The following ACP6 variants were observed in gnomAD, a reference collection of about 807,000 sequenced individuals.
ACP6 encodes lysophosphatidic acid phosphatase type 6.
Under a neutral mutation model 48.1 loss-of-function variants are expected in ACP6, and 48 were observed. That is an observed-to-expected ratio of 1.00 (90% CI 0.79 to 1.27). ACP6 has a LOEUF of 1.27. ACP6 is among the 50% of genes most tolerant of loss of function. ACP6 has a pLI of 0.00. For synonymous variants in ACP6, 172 were observed against 204.2 expected (o/e 0.84, Z 1.34); for missense variants, 485 against 529.1 (o/e 0.92, Z 0.82).
intron 9 of ACP6, chr1:147,647,836 C>T (rs961814633): frequency 2.2e-5 from 12 of 539,546 alleles, no homozygotes; most frequent in Non-Finnish European, 3.6e-5. Flanking sequence ...ATCCCTGGGG[C>T]GTGCTCTGGC....
At chr1:147,650,859 G>A (rs1259733397) in intron 7 of ACP6, 1 of 152,186 alleles carries the variant, frequency 6.6e-6, no homozygotes, top group African/African-American at 2.4e-5. Flanking sequence ...ACTCACAGTA[G>A]TGAACAAAGT....
Position 147,669,850 on chromosome 1 carries a change from G to T in ACP6, c.199C>A (p.Pro67Thr), listed in dbSNP as rs781950198. The T allele has an allele frequency of 6.3e-7, 1 of 1,597,054 alleles. No homozygotes were observed. The highest frequency in any genetic ancestry group is 1.3e-5 in the African/African-American group (1 of 74,772). The change falls in exon 1 of 10, where the codon CCG (proline) becomes ACG (threonine). Residue 67 changes from proline (P) to threonine (T), a missense_variant. By Grantham distance (38) the Pro-to-Thr change is conservative. Transcript: ENST00000583509. Reference protein sequence around the residue: ...FRHGARSPLKPLPLEEQVEWN... With the variant: ...FRHGARSPLKTLPLEEQVEWN... ...CTCACCTGCTCCTCCAGCGGGAGCGGCTTGAGAGGACTCCGAGCCCCGTGT... is the reference window on the plus strand; with the variant it reads ...CTCACCTGCTCCTCCAGCGGGAGCGTCTTGAGAGGACTCCGAGCCCCGTGT...
intron 9 of ACP6, chr1:147,647,791 A>G: frequency 1.6e-6 from 1 of 628,180 alleles, no homozygotes; most frequent in Non-Finnish European, 2.7e-6. Context: ...GAAAGAGTCG[A>G]GTTACATCCC....
downstream of ACP6, among the ~76,000 whole-genome samples, chr1:147,639,842 G>T (rs1659402757): frequency 6.6e-6 from 1 of 152,136 alleles, no homozygotes; most frequent in African/African-American, 2.4e-5. Flanking sequence ...TGAAAGGCTT[G>T]CCTCAGAGAA....
rs868908753 is a variant in ACP6, at chr1:147,646,161, A to C, written c.*1262T>G. On this transcript the variant is annotated 3_prime_UTR_variant, in exon 10 of 10. Transcript: ENST00000583509. ...GGATAAAGATATGTGAATAGATTAA[A>C]GAAATAAACAGGTAGTATTGATAAA... 1.3e-5 allele frequency: 2 copies of C among 152,268 alleles called. No individual in the cohort carries two copies. Among genetic ancestry groups the C allele is most frequent in the Non-Finnish European group, 1.5e-5 (1 of 68,042 alleles). 9.4% of individuals were successfully genotyped at this position (152,268 alleles called of 1,614,324 possible).
Position 147,670,185 on chromosome 1 carries a change from G to A in ACP6, c.-137C>T, listed in dbSNP as rs1019242818. The A allele has an allele frequency of 6.3e-6, 5 of 792,306 alleles. No homozygotes were observed. Among genetic ancestry groups the A allele is most frequent in the South Asian group, 5.7e-5 (3 of 52,582 alleles). 49.1% of individuals were successfully genotyped at this position (792,306 alleles called of 1,614,324 possible). A position where few individuals can be genotyped will look rare whatever the true frequency, so the allele number is the denominator to read the frequency against. ...CGTACATCCAGCCCTTCAGCAAGCAGGGACCGCTGTGCCTCCCGGCCCTGA... is the reference window on the plus strand; with the variant it reads ...CGTACATCCAGCCCTTCAGCAAGCAAGGACCGCTGTGCCTCCCGGCCCTGA... On this transcript the variant is annotated 5_prime_UTR_variant, in exon 1 of 10. Coordinates refer to ENST00000583509, the MANE Select transcript of ACP6 (RefSeq NM_016361.5).
At position 147,659,768 on chromosome 1, in the gene ACP6, C is replaced by T; in HGVS notation, c.227G>A (p.Trp76Ter). ...KPLPLEEQVE[W>*]NPQLLEVPPQ... Reference sequence around the variant, plus strand: ...TGGGACCTCTAATAGCTGGGGGTTCCACTCTACCTGTTAGTACAAAAAAAA... The same window carrying T: ...TGGGACCTCTAATAGCTGGGGGTTCTACTCTACCTGTTAGTACAAAAAAAA... The change falls in exon 2 of 10, where the codon TGG becomes TAG. Residue 76 changes from tryptophan to a stop codon, truncating the protein, a stop_gained. Coordinates refer to ENST00000583509, the MANE Select transcript of ACP6 (RefSeq NM_016361.5). LOFTEE classifies it high-confidence loss of function. The T allele has an allele frequency of 6.2e-7, 1 of 1,613,766 alleles. No homozygotes were observed. Among genetic ancestry groups the T allele is most frequent in the Non-Finnish European group, 8.5e-7 (1 of 1,179,992 alleles).
At chr1:147,650,013 G>C (rs1274627769) in intron 8 of ACP6, 130 bp downstream of exon 8, 1 of 685,736 alleles carries the variant, frequency 1.5e-6, no homozygotes, top group African/African-American at 1.9e-5. Context: ...TGACACTTGA[G>C]GCCTGTTAAA....
downstream of ACP6, among the ~76,000 whole-genome samples, chr1:147,639,694 T>C (rs1254623118): frequency 5.9e-5 from 9 of 152,212 alleles, no homozygotes; most frequent in Non-Finnish European, 1.5e-5. Context: ...GCCTTGCTGT[T>C]ATTTCACACT....
At position 147,655,249 on chromosome 1, in the gene ACP6, C is replaced by A; in HGVS notation, c.560-1G>T. 6.2e-7 allele frequency: 1 copy of A among 1,600,592 alleles called. No homozygotes were observed. On this transcript the variant is annotated splice_acceptor_variant, in intron 4 of 9. Coordinates refer to ENST00000583509, the MANE Select transcript of ACP6 (RefSeq NM_016361.5). LOFTEE classifies it high-confidence loss of function. Reference sequence around the variant, plus strand: ...TCATCAGTGTGGATGATGATGGGTCCTGGAAGAAAGGGAGGAAGCACAGGC... The same window carrying A: ...TCATCAGTGTGGATGATGATGGGTCATGGAAGAAAGGGAGGAAGCACAGGC...
Position 147,659,012 on chromosome 1 carries a change from A to G in ACP6, c.507T>C (p.Asn169=). 6.2e-7 allele frequency: 1 copy of G among 1,612,110 alleles called. No homozygotes were observed. The highest frequency in any genetic ancestry group is 1.1e-5 in the South Asian group (1 of 90,702). Residue 169 remains asparagine (N), a synonymous_variant, in exon 4 of 10, where the codon AAT becomes AAC. Transcript: ENST00000583509. The part of the protein sequence containing the change: ...VFIRSTNIFR[N]LESTRCLLAG... Reference sequence around the variant, plus strand: ...CCAGCAAACAACGGGTGGACTCCAGATTCCGAAAAATGTTAGTGGAACGAA... The same window carrying G: ...CCAGCAAACAACGGGTGGACTCCAGGTTCCGAAAAATGTTAGTGGAACGAA...
At chr1:147,647,986 C>A in intron 9 of ACP6, 2 of 525,516 alleles carry the variant, frequency 3.8e-6, no homozygotes, top group South Asian at 5.5e-5. Flanking sequence ...CAGGGACGCT[C>A]AGGAGAAGAG....
intron 1 of ACP6, among the ~76,000 whole-genome samples, chr1:147,661,453 ATGT>A (rs1179333916): frequency 6.6e-6 from 1 of 152,086 alleles, no homozygotes; most frequent in Non-Finnish European, 1.5e-5. Flanking sequence ...TAATCAATAA[ATGT>A]TGTGTGTTTT....
chr1:147,660,654 C>T (rs1215192845), intron 1 of ACP6, among the ~76,000 whole-genome samples: 1 of 152,190 alleles, frequency 6.6e-6, no homozygotes, highest in Non-Finnish European at 1.5e-5. Flanking sequence ...CTTATTAGTG[C>T]CTGTGACAAA....
At chr1:147,634,316 G>A (rs957094282) in intron 5 of ACP6, among the ~76,000 whole-genome samples, 1 of 152,102 alleles carries the variant, frequency 6.6e-6, no homozygotes, top group Non-Finnish European at 1.5e-5. Flanking sequence ...TGGTTGTGTT[G>A]TAGGAGTTCT....
chr1:147,641,224 G>A (rs991140108), downstream of ACP6, among the ~76,000 whole-genome samples: 1 of 149,184 alleles, frequency 6.7e-6, no homozygotes, highest in Non-Finnish European at 1.5e-5. Context: ...AAATAAACAG[G>A]TCAGCACTCC....
chr1:147,664,745 A>G (rs1660717332), intron 1 of ACP6, among the ~76,000 whole-genome samples: 1 of 152,236 alleles, frequency 6.6e-6, no homozygotes, highest in Non-Finnish European at 1.5e-5. Flanking sequence ...TAGTAAAGAA[A>G]AAAGGCCAGC....
chr1:147,652,120 G>A, intron 7 of ACP6: 1 of 247,402 alleles, frequency 4.0e-6, no homozygotes, highest in Admixed American at 5.1e-5. Flanking sequence ...GTAACATGAT[G>A]ACTAAAGACA....
intron 6 of ACP6, 27 bp downstream of exon 6, chr1:147,654,167 C>G: frequency 6.2e-7 from 1 of 1,610,708 alleles, no homozygotes. Context: ...AGGCTATTAT[C>G]CCAGGCTCCC....
Sources: gnomAD v4.1 joint callset for allele counts (sites outside exome capture counted in the v4.1 genomes callset) on GRCh38, gnomAD v4.1.1 for gene constraint, MANE v1.5 for transcripts, NCBI Gene and HGNC (gene_info 2026-07-23, HGNC 2026-07-21) for gene names.